WDR70: variants seen among roughly 807,000 people sequenced by gnomAD.
WDR70 encodes WD repeat domain 70, also known as WD repeat-containing protein 70.
A neutral mutation model predicts 88.6 loss-of-function variants in WDR70; 53 were observed. The observed-to-expected ratio is 0.60, with a 90% CI of 0.48 to 0.75. The LOEUF (loss-of-function observed/expected upper bound fraction) is 0.75. WDR70 is among the 30% of genes least tolerant of loss of function. WDR70 has a pLI of 0.00. For missense variants in WDR70, 610 were observed against 823.2 expected (o/e 0.74, Z 3.17); for synonymous variants, 280 against 270.0 (o/e 1.04, Z -0.36).
intron 7 of WDR70, among the ~76,000 whole-genome samples, chr5:37,451,073 T>C (rs974807354): frequency 3.0e-4 from 41 of 138,410 alleles, no homozygotes; most frequent in Non-Finnish European, 3.9e-4. Context: ...TAATTTTGTA[T>C]TTTTAATAGA....
intron 5 of WDR70, among the ~76,000 whole-genome samples, chr5:37,426,795 C>CTT (rs3038670): frequency 0.22 from 30,979 of 143,936 alleles, 3,957 homozygotes; most frequent in East Asian, 0.47. Context: ...AATCTAGGTT[C>CTT]TTTTTTTTTT....
At chr5:37,718,643 C>G (rs1747722171) in intron 13 of WDR70, among the ~76,000 whole-genome samples, 1 of 152,050 alleles carries the variant, frequency 6.6e-6, no homozygotes, top group African/African-American at 2.4e-5. Flanking sequence ...TTGTAGGATA[C>G]CTGAGTATAA....
intron 10 of WDR70, among the ~76,000 whole-genome samples, chr5:37,607,132 G>C (rs1327823918): frequency 3.3e-5 from 5 of 151,402 alleles, no homozygotes; most frequent in African/African-American, 1.2e-4. Context: ...TGGTAGAGAC[G>C]GGGTTCCACC....
intron 15 of WDR70, chr5:37,723,143 T>G: frequency 1.7e-6 from 1 of 588,128 alleles, no homozygotes; most frequent in Non-Finnish European, 3.0e-6. Context: ...TTCATGCAGC[T>G]TTCAACCCAA....
chr5:37,728,348 CA>C (rs1271317565), intron 17 of WDR70, among the ~76,000 whole-genome samples: 179 of 49,960 alleles, frequency 3.6e-3, no homozygotes, highest in South Asian at 0.014. Context: ...ACCTTGCCTC[CA>C]AAAAAAAAAA....
intron 17 of WDR70, among the ~76,000 whole-genome samples, chr5:37,736,644 G>T (rs1157489018): frequency 2.7e-5 from 4 of 149,362 alleles, no homozygotes; most frequent in Non-Finnish European, 5.9e-5. Context: ...TTTTTGCGGT[G>T]GGGGGGTTGT....
At chr5:37,533,930 G>A (rs1240570810) in intron 9 of WDR70, among the ~76,000 whole-genome samples, 1 of 152,096 alleles carries the variant, frequency 6.6e-6, no homozygotes, top group Non-Finnish European at 1.5e-5. Context: ...GCCCCAGACC[G>A]TGAACCTCCC....
intron 8 of WDR70, among the ~76,000 whole-genome samples, chr5:37,480,428 G>T (rs1231784035): frequency 2.6e-5 from 4 of 152,204 alleles, no homozygotes; most frequent in Admixed American, 2.6e-4. Flanking sequence ...ATAAAGGAAA[G>T]AGGTTAATTG....
rs1747866591 is a variant in WDR70 at position 37,722,941 on chromosome 5, C to T, written c.1597+7C>T. The T allele has an allele frequency of 1.2e-6, 2 of 1,613,336 alleles. No homozygotes were observed. Among genetic ancestry groups the T allele is most frequent in the Non-Finnish European group, 1.7e-6 (2 of 1,179,500 alleles). The stretch of plus-strand genomic sequence containing the variant: ...CAGGACTACATCATCACCCGTAAGT[C>T]GTTAACATGCCTCTCAATCATGCAT... On this transcript the variant is annotated splice_region_variant and intron_variant, in intron 15 of 17. Transcript: ENST00000265107.
chr5:37,657,462 CATTT>C (rs1258916963), intron 10 of WDR70, among the ~76,000 whole-genome samples: 1 of 152,162 alleles, frequency 6.6e-6, no homozygotes, highest in Non-Finnish European at 1.5e-5. Context: ...CCCCGGGCTT[CATTT>C]TTATAGAGGC....
At chr5:37,385,707 A>AGGG (rs1420676209) in intron 3 of WDR70, among the ~76,000 whole-genome samples, 1 of 151,970 alleles carries the variant, frequency 6.6e-6, no homozygotes, top group Admixed American at 6.6e-5. Flanking sequence ...TGGGATCCAA[A>AGGG]GGGGCTTCTA....
intron 9 of WDR70, among the ~76,000 whole-genome samples, chr5:37,567,733 G>T (rs1204846197): frequency 2.0e-5 from 3 of 152,014 alleles, no homozygotes; most frequent in African/African-American, 7.2e-5. Flanking sequence ...TTTAACCTTT[G>T]AAAGTGATAC....
chr5:37,569,817 G>T (rs565772008), intron 9 of WDR70, among the ~76,000 whole-genome samples: 184 of 152,254 alleles, frequency 1.2e-3, no homozygotes, highest in South Asian at 5.0e-3. Flanking sequence ...TTCCCCTGAA[G>T]AAGTGATATA....
intron 8 of WDR70, among the ~76,000 whole-genome samples, chr5:37,484,520 G>A (rs553690780): frequency 7.9e-5 from 12 of 152,318 alleles, no homozygotes; most frequent in Admixed American, 5.9e-4. Flanking sequence ...GTCCAGCTTC[G>A]GCTTGGCATC....
At chr5:37,659,469 T>A (rs912687884) in intron 10 of WDR70, among the ~76,000 whole-genome samples, 1 of 152,240 alleles carries the variant, frequency 6.6e-6, no homozygotes, top group African/African-American at 2.4e-5. Context: ...CATTGTCTTC[T>A]AATTTCTTAA....
chr5:37,421,319 G>A (rs1385007602), intron 5 of WDR70, among the ~76,000 whole-genome samples: 1 of 152,158 alleles, frequency 6.6e-6, no homozygotes, highest in African/African-American at 2.4e-5. Flanking sequence ...ACAGTCTTTG[G>A]TTCTGACTGT....
intron 5 of WDR70, among the ~76,000 whole-genome samples, chr5:37,429,518 T>C (rs112547379): frequency 0.013 from 2,040 of 152,280 alleles, 42 homozygotes; most frequent in African/African-American, 0.046. Flanking sequence ...TTATGTATGG[T>C]GTAAGGAAAG....
intron 17 of WDR70, among the ~76,000 whole-genome samples, chr5:37,728,048 G>A (rs1322325215): frequency 5.3e-5 from 8 of 151,806 alleles, no homozygotes; most frequent in Non-Finnish European, 2.9e-5. Flanking sequence ...ACTAACATTA[G>A]TATAATACTA....
At chr5:37,745,698 G>A (rs1748617784) in intron 17 of WDR70, among the ~76,000 whole-genome samples, 2 of 152,124 alleles carry the variant, frequency 1.3e-5, no homozygotes, top group African/African-American at 4.8e-5. Context: ...TTGCATAATG[G>A]TAAAGGGAAC....
Sources: gnomAD v4.1 joint callset for allele counts (sites outside exome capture counted in the v4.1 genomes callset) on GRCh38, gnomAD v4.1.1 for gene constraint, MANE v1.5 for transcripts, NCBI Gene and HGNC (gene_info 2026-07-23, HGNC 2026-07-21) for gene names.